The following ACCSL variants were observed in gnomAD, a reference collection of about 807,000 sequenced individuals.
The protein encoded by ACCSL is 1-aminocyclopropane-1-carboxylate synthase homolog (inactive) like.
A neutral mutation model predicts 61.7 loss-of-function variants in ACCSL; 55 were observed. The observed-to-expected ratio is 0.89, with a 90% CI of 0.72 to 1.12. ACCSL has a LOEUF of 1.12. Ranked by LOEUF, ACCSL falls within the 50% of genes most tolerant of loss-of-function variation. The pLI is 0.00. For missense variants in ACCSL, 632 were observed against 698.0 expected, an observed-to-expected ratio of 0.91 and a Z score of 1.07; for synonymous variants, 258 against 264.3, an observed-to-expected ratio of 0.98 and a Z score of 0.23.
At chr11:43,976,017 C>G in the ACCSL span, among the ~76,000 whole-genome samples, 1 of 152,122 alleles carries the variant, frequency 6.6e-6, no homozygotes, top group African/African-American at 2.4e-5. Flanking sequence ...CTATGCCTGT[C>G]CCATCATTGA....
chr11:43,997,454 T>C, the ACCSL span, among the ~76,000 whole-genome samples: 1 of 152,302 alleles, frequency 6.6e-6, no homozygotes, highest in African/African-American at 2.4e-5. Flanking sequence ...GCTTTCTGGG[T>C]CTGCTAAGTC....
chr11:43,991,265 G>T, the ACCSL span, among the ~76,000 whole-genome samples: 1 of 152,118 alleles, frequency 6.6e-6, no homozygotes, highest in Non-Finnish European at 1.5e-5. Flanking sequence ...CCTGCTACTG[G>T]GTGGACTTGG....
intron 11 of ACCSL, among the ~76,000 whole-genome samples, chr11:44,058,115 G>A (rs1952682598): frequency 6.6e-6 from 1 of 152,254 alleles, no homozygotes; most frequent in African/African-American, 2.4e-5. Context: ...GGAGATTGCA[G>A]TGTGCCGAGA....
the ACCSL span, among the ~76,000 whole-genome samples, chr11:43,950,133 C>T: frequency 2.0e-5 from 3 of 152,228 alleles, no homozygotes; most frequent in Non-Finnish European, 4.4e-5. Context: ...ACATTTGTCT[C>T]TTATCTACCT....
the ACCSL span, among the ~76,000 whole-genome samples, chr11:43,979,311 G>A: frequency 6.6e-6 from 1 of 152,066 alleles, no homozygotes; most frequent in African/African-American, 2.4e-5. Context: ...CAGCCTGGGT[G>A]ATGCAGCAAG....
At chr11:43,982,482 C>T in the ACCSL span, among the ~76,000 whole-genome samples, 1 of 151,958 alleles carries the variant, frequency 6.6e-6, no homozygotes, top group Non-Finnish European at 1.5e-5. Flanking sequence ...CCCGCCTCGG[C>T]CTCCCAAAGT....
At chr11:44,028,713 G>A in the ACCSL span, among the ~76,000 whole-genome samples, 1 of 152,136 alleles carries the variant, frequency 6.6e-6, no homozygotes, top group Non-Finnish European at 1.5e-5. Flanking sequence ...AAGGGACTTA[G>A]CCTTGTTTCA....
rs778969294 is a variant in ACCSL at position 44,059,864 on chromosome 11, C to T, written c.1651C>T (p.Gln551Ter). 6.2e-7 allele frequency: 1 copy of T among 1,613,878 alleles called. No individual in the cohort carries two copies. Among genetic ancestry groups the T allele is most frequent in the Admixed American group, 1.7e-5 (1 of 60,014 alleles). ...TATGCGTCGGTTCTGTGATGTGCTG[C>T]AGGAGCAGAAGGAGGCTTTGATAGT... ...LAMRRFCDVL[Q>*]EQKEALIVKQ... Residue 551 changes from glutamine (Q) to a stop codon, truncating the protein, a stop_gained, in exon 14 of 14, where the codon CAG becomes TAG. Coordinates refer to ENST00000378832, the MANE Select transcript of ACCSL (RefSeq NM_001031854.2). LOFTEE classifies it low-confidence loss of function (END_TRUNC).
the ACCSL span, among the ~76,000 whole-genome samples, chr11:43,958,190 A>G: frequency 2.0e-3 from 310 of 152,348 alleles, 1 homozygote; most frequent in Non-Finnish European, 3.0e-3. Flanking sequence ...GCGATTATTC[A>G]GGAGGTCATA....
chr11:44,056,810 A>G (rs61879061), intron 11 of ACCSL, among the ~76,000 whole-genome samples: 15,677 of 152,216 alleles, frequency 0.1, 936 homozygotes, highest in Non-Finnish European at 0.11. Context: ...CAGTCTGGGT[A>G]GAAAAAGTGA....
the ACCSL span, chr11:43,926,580 T>A: frequency 8.1e-5 from 35 of 431,072 alleles, no homozygotes; most frequent in Non-Finnish European, 1.5e-4. Context: ...ACACAGTGCC[T>A]TCCATTACAG....
the ACCSL span, chr11:43,947,127 A>G: frequency 1.3e-5 from 2 of 152,248 alleles, no homozygotes; most frequent in African/African-American, 4.8e-5. Context: ...CTCATGGTGG[A>G]AGGTGGAGGG....
At chr11:43,932,089 C>A in the ACCSL span, among the ~76,000 whole-genome samples, 1 of 152,168 alleles carries the variant, frequency 6.6e-6, no homozygotes, top group Non-Finnish European at 1.5e-5. Context: ...AATGACAGGG[C>A]ATCATTGCGA....
At chr11:43,930,060 TGA>T in the ACCSL span, among the ~76,000 whole-genome samples, 12 of 152,096 alleles carry the variant, frequency 7.9e-5, no homozygotes, top group Admixed American at 4.6e-4. Context: ...GGAGCAGCCC[TGA>T]GAGGAAGGCA....
chr11:43,980,212 A>G, the ACCSL span, among the ~76,000 whole-genome samples: 1 of 152,194 alleles, frequency 6.6e-6, no homozygotes, highest in African/African-American at 2.4e-5. Flanking sequence ...TCCCCTATTG[A>G]CCATCATTTG....
At chr11:44,018,662 G>A in the ACCSL span, among the ~76,000 whole-genome samples, 2 of 152,120 alleles carry the variant, frequency 1.3e-5, no homozygotes, top group African/African-American at 4.8e-5. Context: ...AAATAAAGTA[G>A]CTTTACTGAG....
At chr11:44,032,944 T>C in the ACCSL span, among the ~76,000 whole-genome samples, 1 of 152,146 alleles carries the variant, frequency 6.6e-6, no homozygotes, top group South Asian at 2.1e-4. Flanking sequence ...TCTACAGAGC[T>C]CAAGCCTCCC....
the ACCSL span, among the ~76,000 whole-genome samples, chr11:43,996,597 G>A: frequency 6.6e-6 from 1 of 152,168 alleles, no homozygotes; most frequent in Admixed American, 6.5e-5. Flanking sequence ...CCAGGTTTTG[G>A]TAAAGACACA....
chr11:44,008,025 G>A, the ACCSL span, among the ~76,000 whole-genome samples: 1 of 152,070 alleles, frequency 6.6e-6, no homozygotes, highest in African/African-American at 2.4e-5. Flanking sequence ...TGTGCACACT[G>A]GTCTAGCCTG....
Sources: allele counts gnomAD v4.1 joint callset (sites outside exome capture counted in the v4.1 genomes callset), GRCh38; gene constraint gnomAD v4.1.1; transcripts MANE v1.5; gene names NCBI Gene and HGNC (gene_info 2026-07-23, HGNC 2026-07-21).